Variants in TRPM3 observed in about 807,000 individuals in gnomAD.
The protein encoded by TRPM3 is long transient receptor potential channel 3.
In TRPM3, 77 loss-of-function variants were observed where a neutral mutation model predicts 181.2. That is an observed-to-expected ratio of 0.42 (90% CI 0.35 to 0.51). The LOEUF is 0.51. Among genes scored for constraint, TRPM3 ranks in the 20% least tolerant of loss-of-function variants. The pLI, the probability that TRPM3 is intolerant of heterozygous loss-of-function variation, is 0.01. For missense variants in TRPM3, 1,759 were observed against 2,196.7 expected (o/e 0.80, Z 3.98); for synonymous variants, 745 against 796.4 (o/e 0.94, Z 1.09).
chr9:70,888,113 T>C (rs2096123240), intron 1 of TRPM3, among the ~76,000 whole-genome samples: 2 of 152,170 alleles, frequency 1.3e-5, no homozygotes, highest in Non-Finnish European at 1.5e-5. Context: ...CTGGCACAGA[T>C]TGTAGCATGC....
chr9:70,623,099 C>T (rs943926944), intron 14 of TRPM3, among the ~76,000 whole-genome samples: 3 of 152,136 alleles, frequency 2.0e-5, no homozygotes, highest in Non-Finnish European at 4.4e-5. Flanking sequence ...CAGTGGCTCA[C>T]ACCTGTAATC....
At chr9:70,799,055 C>G (rs1272076506) in intron 6 of TRPM3, among the ~76,000 whole-genome samples, 1 of 152,186 alleles carries the variant, frequency 6.6e-6, no homozygotes, top group Non-Finnish European at 1.5e-5. Context: ...AGAATTGAAC[C>G]CAGCTAAAGC....
At chr9:71,097,703 CA>C (rs2067566218) in intron 1 of TRPM3, among the ~76,000 whole-genome samples, 1 of 151,942 alleles carries the variant, frequency 6.6e-6, no homozygotes, top group Non-Finnish European at 1.5e-5. Context: ...TCCAAGTGCT[CA>C]ACAGTGCCAT....
chr9:70,689,465 A>T (rs1328030566), intron 8 of TRPM3, among the ~76,000 whole-genome samples: 2 of 151,716 alleles, frequency 1.3e-5, no homozygotes, highest in Non-Finnish European at 2.9e-5. Flanking sequence ...GTGAAAAGTT[A>T]GTGTTATGCT....
At chr9:70,841,661 T>TATATATATATATATATATATATAA (rs1339698170) in intron 5 of TRPM3, among the ~76,000 whole-genome samples, 3 of 86,094 alleles carry the variant, frequency 3.5e-5, no homozygotes, top group African/African-American at 1.4e-4. Flanking sequence ...TATATATATA[T>TATATATATATATATATATATATAA]CCCACCATAT....
intron 1 of TRPM3, chr9:70,869,070 T>C (rs952637394): frequency 1.0e-6 from 1 of 985,032 alleles, no homozygotes; most frequent in African/African-American, 1.7e-5. Context: ...GGGCTGGTCA[T>C]TCCGTTAATA....
At chr9:71,197,846 C>G (rs1423055188) in intron 1 of TRPM3, among the ~76,000 whole-genome samples, 3 of 141,378 alleles carry the variant, frequency 2.1e-5, no homozygotes, top group African/African-American at 7.6e-5. Flanking sequence ...ATGGTAGTTT[C>G]TTTTGCTGTG....
At chr9:71,446,638 C>A (rs1311880876) in intron 1 of TRPM3, 2 of 1,548,552 alleles carry the variant, frequency 1.3e-6, no homozygotes, top group Non-Finnish European at 1.7e-6. Context: ...CTGGGGCTCT[C>A]CCCCGGCCAC....
chr9:70,897,883 G>C (rs1184162287), intron 1 of TRPM3, among the ~76,000 whole-genome samples: 3 of 152,180 alleles, frequency 2.0e-5, no homozygotes, highest in Non-Finnish European at 4.4e-5. Context: ...GGTCAGACTG[G>C]TAAATTATAG....
At chr9:71,380,375 T>C (rs552466699) in intron 1 of TRPM3, among the ~76,000 whole-genome samples, 2 of 151,996 alleles carry the variant, frequency 1.3e-5, no homozygotes, top group South Asian at 4.2e-4. Context: ...TGCTTGTGAG[T>C]TGGTAATATT....
At chr9:71,253,360 T>G (rs1298698813) in intron 1 of TRPM3, among the ~76,000 whole-genome samples, 2 of 152,190 alleles carry the variant, frequency 1.3e-5, no homozygotes, top group Non-Finnish European at 2.9e-5. Context: ...GGGGGACATT[T>G]GGCAATATTT....
chr9:71,061,240 C>T lies in TRPM3; in HGVS notation c.177+59938G>A, dbSNP rs79274538. On this transcript the variant is annotated intron_variant, in intron 1 of 25. Transcript: ENST00000677713. The stretch of plus-strand genomic sequence containing the variant: ...GTGTGGCTGAAGAGGTGGACAGAGG[C>T]CACTTCCTGCACTACCATGGGGAAT... Among the ~76,000 whole-genome samples, 753 of 152,160 alleles carry T rather than the reference C, an allele frequency of 4.9e-3. 18 individuals are homozygous for T. The East Asian group carries it at 0.078, about 16-fold the overall frequency.
chr9:71,163,029 A>G (rs752786813), intron 1 of TRPM3, among the ~76,000 whole-genome samples: 19 of 152,176 alleles, frequency 1.2e-4, no homozygotes, highest in Non-Finnish European at 2.2e-4. Flanking sequence ...CAGAAAGTGA[A>G]AGAATAAATG....
intron 5 of TRPM3, among the ~76,000 whole-genome samples, chr9:70,837,349 AC>A (rs1186026391): frequency 3.3e-5 from 5 of 152,194 alleles, no homozygotes; most frequent in East Asian, 1.9e-4. Context: ...AAACATAAGA[AC>A]CCTTACAGGC....
rs74357651 is a variant in TRPM3 at position 70,974,165 on chromosome 9, CT to C, written c.178-109655del. Among the ~76,000 whole-genome samples, 434 of 152,040 alleles carry C rather than the reference CT, an allele frequency of 2.9e-3. 17 individuals carry two copies. The East Asian group carries it at 0.072, about 25-fold the overall frequency. ...TAAACTTACTGAAGCATTATACCTGCTTTTTTTTCCCTTGATACAACAGTTT... is the reference window on the plus strand; with the variant it reads ...TAAACTTACTGAAGCATTATACCTGCTTTTTTTCCCTTGATACAACAGTTT... On this transcript the variant is annotated intron_variant, in intron 1 of 25. Transcript: ENST00000677713.
intron 1 of TRPM3, among the ~76,000 whole-genome samples, chr9:70,897,157 G>A (rs1377322658): frequency 7.0e-6 from 1 of 142,546 alleles, no homozygotes; most frequent in African/African-American, 2.7e-5. Flanking sequence ...AACTGTAGTT[G>A]CCCCACTCTG....
intron 1 of TRPM3, among the ~76,000 whole-genome samples, chr9:70,982,609 G>A (rs921144764): frequency 6.6e-6 from 1 of 152,168 alleles, no homozygotes; most frequent in African/African-American, 2.4e-5. Flanking sequence ...TCACCTTTAA[G>A]TATGTCTCTC....
intron 1 of TRPM3, among the ~76,000 whole-genome samples, chr9:71,364,204 T>A (rs1588675915): frequency 6.8e-6 from 1 of 146,468 alleles, no homozygotes; most frequent in Non-Finnish European, 1.5e-5. Flanking sequence ...CTCTCTCCTT[T>A]AAAAAAAAAA....
intron 1 of TRPM3, among the ~76,000 whole-genome samples, chr9:71,321,289 A>T (rs1274525931): frequency 6.6e-6 from 1 of 152,122 alleles, no homozygotes; most frequent in Non-Finnish European, 1.5e-5. Context: ...AGACCCTAAC[A>T]TTGTCATCAC....
Sources: allele counts gnomAD v4.1 joint callset (sites outside exome capture counted in the v4.1 genomes callset), GRCh38; gene constraint gnomAD v4.1.1; transcripts MANE v1.5; gene names NCBI Gene and HGNC (gene_info 2026-07-23, HGNC 2026-07-21).